The following TUBA1C variants were observed in gnomAD, a reference collection of about 807,000 sequenced individuals.
The protein encoded by TUBA1C is tubulin alpha 1c, also known as tubulin alpha-1C chain.
Under a neutral mutation model 34.9 loss-of-function variants are expected in TUBA1C, and 16 were observed. That is an observed-to-expected ratio of 0.46 (90% CI 0.31 to 0.70). The LOEUF is 0.70. Among genes scored for constraint, TUBA1C ranks in the 30% least tolerant of loss-of-function variants. The probability of loss-of-function intolerance (pLI) is 0.05; values close to 1 mark genes in which losing one functional copy is unlikely to be tolerated. For missense variants in TUBA1C, 329 were observed against 587.3 expected (o/e 0.56, Z 4.55); for synonymous variants, 177 against 215.9 (o/e 0.82, Z 1.58).
intron 1 of TUBA1C, chr12:49,228,182 T>C (rs1313583376): frequency 1.3e-6 from 2 of 1,534,850 alleles, no homozygotes; most frequent in South Asian, 1.2e-5. Context: ...GCTGTAATAG[T>C]AATGTAATGT....
At chr12:49,270,881 A>G (rs897968292) in intron 3 of TUBA1C, among the ~76,000 whole-genome samples, 8 of 152,166 alleles carry the variant, frequency 5.3e-5, no homozygotes, top group Non-Finnish European at 1.0e-4. Flanking sequence ...AGGGAGGCTG[A>G]GGCAGGAGAA....
At chr12:49,253,070 G>C (rs538881196) in intron 1 of TUBA1C, among the ~76,000 whole-genome samples, 2 of 142,534 alleles carry the variant, frequency 1.4e-5, no homozygotes, top group Admixed American at 7.3e-5. Flanking sequence ...CTGGGTAGCA[G>C]AGCCAGACCC....
chr12:49,253,656 T>C (rs909092826), intron 1 of TUBA1C, among the ~76,000 whole-genome samples: 3 of 152,138 alleles, frequency 2.0e-5, no homozygotes, highest in Admixed American at 6.6e-5. Flanking sequence ...GCCTCCCCAG[T>C]AGCTGGGACT....
At chr12:49,247,947 C>CAAA (rs59651984) in intron 1 of TUBA1C, among the ~76,000 whole-genome samples, 14 of 86,502 alleles carry the variant, frequency 1.6e-4, no homozygotes, top group African/African-American at 2.5e-4. Context: ...GATTCCGTCT[C>CAAA]AAAAAAAAAA....
Position 49,228,021 on chromosome 12 carries a change from A to T in TUBA1C, c.68A>T (p.Asp23Val), listed in dbSNP as rs1053422333. The change falls in exon 1 of 4, where the codon GAT becomes GTT. Residue 23 changes from aspartate to valine, a missense_variant. Physicochemically the swap from Asp to Val is radical, Grantham distance 152 (BLOSUM62 -3). Coordinates refer to the TUBA1C transcript ENST00000541364. ...GAGTGCTTTGTGTGCTTGGAATTAG[A>T]TCCTTCAAATGGATCCTTTCTGAAT... is the stretch of plus-strand genomic sequence containing the variant. 7.2e-6 allele frequency: 11 copies of T among 1,535,682 alleles called. No individual in the cohort carries two copies. The South Asian group carries it at 1.3e-4, about 18-fold the overall frequency.
At chr12:49,250,523 C>CA (rs562107706) in intron 1 of TUBA1C, among the ~76,000 whole-genome samples, 3,080 of 54,422 alleles carry the variant, frequency 0.057, 115 homozygotes, top group African/African-American at 0.16. Flanking sequence ...GACTCCGTCT[C>CA]AAAAAAAAAA....
Position 49,235,249 on chromosome 12 carries a change from T to C in TUBA1C, c.213+7083T>C, listed in dbSNP as rs572338053. 7.2e-4 allele frequency among the ~76,000 whole-genome samples: 102 copies of C among 141,290 alleles called. 1 individual carries two copies. The highest frequency in any genetic ancestry group is 2.1e-3 in the African/African-American group (80 of 37,292). The allele number at this position is 141,290 out of a possible 152,430, so 92.7% of individuals were successfully genotyped here. On this transcript the variant is annotated intron_variant, in intron 1 of 3. Coordinates refer to the TUBA1C transcript ENST00000541364. ...AGGCAGTATAGGTTGAAAATTAGAA[T>C]GCTTAAAAAAAAAAAAAATTCCCCT...
chr12:49,268,963 C>T (rs552399520), intron 1 of TUBA1C, among the ~76,000 whole-genome samples: 1 of 152,318 alleles, frequency 6.6e-6, no homozygotes, highest in South Asian at 2.1e-4. Flanking sequence ...AGTTCATGAA[C>T]ACATCTTTGG....
rs1942690137 is a variant in TUBA1C at position 49,247,963 on chromosome 12, AG to A, written c.213+19798del. ...ATTCCGTCTCAAAAAAAAAAAAAAAAGAGAGAAAGAAAGAAAGAAAAGTAAA... is the reference window on the plus strand; with the variant it reads ...ATTCCGTCTCAAAAAAAAAAAAAAAAAGAGAAAGAAAGAAAGAAAAGTAAA... On this transcript the variant is annotated intron_variant, in intron 1 of 3. Transcript: ENST00000541364. Among the ~76,000 whole-genome samples the A allele has an allele frequency of 6.8e-5, 10 of 146,314 alleles. No homozygotes were observed. The South Asian group carries it at 1.5e-3, about 23-fold the overall frequency.
intron 1 of TUBA1C, among the ~76,000 whole-genome samples, chr12:49,229,232 G>A (rs1220985256): frequency 6.6e-6 from 1 of 152,016 alleles, no homozygotes; most frequent in Non-Finnish European, 1.5e-5. Context: ...GGAGTGCAGT[G>A]GCATAATCTC....
intron 1 of TUBA1C, among the ~76,000 whole-genome samples, chr12:49,242,647 T>G (rs756842578): frequency 1.3e-5 from 2 of 151,532 alleles, no homozygotes; most frequent in Non-Finnish European, 2.9e-5. Flanking sequence ...TCCAGCTAAT[T>G]TTTTTGTTGT....
intron 1 of TUBA1C, among the ~76,000 whole-genome samples, chr12:49,229,167 G>A (rs1314739014): frequency 2.0e-5 from 3 of 152,006 alleles, no homozygotes; most frequent in Admixed American, 6.6e-5. Flanking sequence ...TGCATGTTGC[G>A]AACCTTTATC....
chr12:49,240,034 AG>A (rs1942596045), intron 1 of TUBA1C, among the ~76,000 whole-genome samples: 1 of 83,618 alleles, frequency 1.2e-5, no homozygotes, highest in Non-Finnish European at 2.5e-5. Flanking sequence ...CTCAGAGCAC[AG>A]ACACACACAC....
chr12:49,247,323 G>C lies in TUBA1C; in HGVS notation c.213+19157G>C, dbSNP rs1408004481. Reference sequence around the variant, plus strand: ...TGTAATCCCAGCACTTTGGGAGGCTGAGGTGGGTGGATCACCTGAGGTCAG... The same window carrying C: ...TGTAATCCCAGCACTTTGGGAGGCTCAGGTGGGTGGATCACCTGAGGTCAG... On this transcript the variant is annotated intron_variant, in intron 1 of 3. Coordinates refer to the TUBA1C transcript ENST00000541364. Among the ~76,000 whole-genome samples the C allele has an allele frequency of 1.6e-3, 239 of 149,438 alleles. 3 individuals are homozygous for C. Among genetic ancestry groups the C allele is most frequent in the Non-Finnish European group, 1.5e-5 (1 of 67,228 alleles).
chr12:49,269,501 G>A lies in TUBA1C; in HGVS notation c.40G>A (p.Val14Ile), dbSNP rs1453078387. Residue 14 changes from valine to isoleucine, a missense_variant, in exon 2 of 4, where the codon GTC (valine) becomes ATC (isoleucine). By Grantham distance (29) the Val-to-Ile change is conservative (BLOSUM62 3). Around this residue, in one of 4 missense-constraint regions of TUBA1C, gnomAD observed 152 missense variants for 240.3 expected, o/e 0.63. Transcript: ENST00000301072. ...CISIHVGQAG[V>I]QIGNACWELY... ...CTCCATCCACGTTGGCCAGGCTGGT[G>A]TCCAGATTGGCAATGCCTGCTGGGA... is the stretch of plus-strand genomic sequence containing the variant. 8 of 1,614,094 alleles carry A rather than the reference G, an allele frequency of 5.0e-6. No individual in the cohort carries two copies. Among genetic ancestry groups the A allele is most frequent in the Non-Finnish European group, 6.8e-6 (8 of 1,180,050 alleles).
chr12:49,257,945 G>A (rs778650863), intron 1 of TUBA1C: 7 of 166,724 alleles, frequency 4.2e-5, no homozygotes, highest in South Asian at 2.8e-4. Flanking sequence ...TGCAGCCTCC[G>A]CCTTCCGGGT....
chr12:49,246,153 G>A (rs1361719565), intron 1 of TUBA1C, among the ~76,000 whole-genome samples: 2 of 151,088 alleles, frequency 1.3e-5, no homozygotes, highest in Admixed American at 6.6e-5. Flanking sequence ...TGATCTGCCC[G>A]CCTCAGCCTC....
In TUBA1C at chr12:49,266,210, G is replaced by A. The variant is rs544433796; in HGVS notation, c.3+1026G>A. ...GGAGGCTGAGGCTGGTGGATCACGA[G>A]ATCAGGAAATCGAGACCATCCTGGC... On this transcript the variant is annotated intron_variant, in intron 1 of 3. Coordinates refer to ENST00000301072, the MANE Select transcript of TUBA1C (RefSeq NM_032704.5). 2.8e-5 allele frequency among the ~76,000 whole-genome samples: 4 copies of A among 144,550 alleles called. No homozygotes were observed. In the Admixed American group the frequency reaches 2.9e-4, roughly 10 times the overall value. 94.8% of individuals were successfully genotyped at this position (144,550 alleles called of 152,430 possible).
intron 1 of TUBA1C, among the ~76,000 whole-genome samples, chr12:49,254,484 CAA>C (rs764051406): frequency 1.5e-3 from 44 of 29,694 alleles, no homozygotes; most frequent in African/African-American, 4.1e-3. Context: ...TCCATCTAAA[CAA>C]AAAAAAAAAA....
Sources: gnomAD v4.1 joint callset for allele counts (sites outside exome capture counted in the v4.1 genomes callset) on GRCh38, gnomAD v4.1.1 for gene constraint, gnomAD v4.1.1 regional missense constraint, MANE v1.5 for transcripts, NCBI Gene and HGNC (gene_info 2026-07-23, HGNC 2026-07-21) for gene names.